WWOX: variants seen among roughly 807,000 people sequenced by gnomAD.
The protein encoded by WWOX is WW domain-containing oxidoreductase.
A neutral mutation model predicts 46.2 loss-of-function variants in WWOX; 69 were observed. That is an observed-to-expected ratio of 1.49 (90% confidence interval 1.23 to 1.82). WWOX has a LOEUF of 1.82. WWOX is among the 40% of genes most tolerant of loss of function. WWOX has a pLI of 0.00. For missense variants in WWOX, 919 were observed against 542.6 expected (o/e 1.69, Z -6.89); for synonymous variants, 359 against 202.6 (o/e 1.77, Z -6.56).
rs199726097 is a variant in WWOX at position 78,547,127 on chromosome 16, G to GAAA, written c.1056+114405_1056+114407dup. On this transcript the variant is annotated intron_variant, in intron 8 of 8. Coordinates refer to ENST00000566780, the MANE Select transcript of WWOX (RefSeq NM_016373.4). The stretch of plus-strand genomic sequence containing the variant: ...TGGGAGAGTGTGAGACCTTGTCTCA[G>GAAA]AAAAAAAAAAAAAAAAAAAAAAAAA... Among the ~76,000 whole-genome samples, 528 of 87,410 alleles carry GAAA rather than the reference G, an allele frequency of 6.0e-3. 14 individuals are homozygous for GAAA. The highest frequency in any genetic ancestry group is 0.019 in the African/African-American group (282 of 14,594). The allele number at this position is 87,410 out of a possible 152,430, so 57.3% of individuals were successfully genotyped here. A position where few individuals can be genotyped will look rare whatever the true frequency, so the allele number is the denominator to read the frequency against.
intron 8 of WWOX, among the ~76,000 whole-genome samples, chr16:79,171,717 T>C (rs1369771605): frequency 6.6e-6 from 1 of 152,220 alleles, no homozygotes; most frequent in East Asian, 1.9e-4. Flanking sequence ...AGATGTTCTT[T>C]CTTCATTCAC....
chr16:79,184,227 C>G (rs546844264), intron 8 of WWOX, among the ~76,000 whole-genome samples: 93 of 152,304 alleles, frequency 6.1e-4, no homozygotes, highest in African/African-American at 2.2e-3. Flanking sequence ...GTGTAACAGT[C>G]TATAGTAACA....
intron 8 of WWOX, chr16:78,981,682 C>A (rs1384091787): frequency 6.6e-6 from 1 of 152,242 alleles, no homozygotes; most frequent in African/African-American, 2.4e-5. Flanking sequence ...CGGCCTTGGC[C>A]TCACAAAGTG....
intron 8 of WWOX, among the ~76,000 whole-genome samples, chr16:78,923,677 C>T (rs1485667197): frequency 5.3e-5 from 8 of 151,384 alleles, no homozygotes; most frequent in African/African-American, 7.3e-5. Context: ...AAAAATTAGT[C>T]GTGTGAACTT....
At chr16:78,438,432 G>GA (rs2151391946) in intron 8 of WWOX, among the ~76,000 whole-genome samples, 1 of 150,958 alleles carries the variant, frequency 6.6e-6, no homozygotes, top group East Asian at 2.0e-4. Context: ...TCACTGAAAT[G>GA]AATGCTGCCA....
intron 5 of WWOX, among the ~76,000 whole-genome samples, chr16:78,378,630 G>A (rs922393793): frequency 2.6e-5 from 4 of 152,158 alleles, no homozygotes; most frequent in African/African-American, 9.7e-5. Flanking sequence ...AGTGTCTCTT[G>A]CTGTTGTAAA....
intron 8 of WWOX, among the ~76,000 whole-genome samples, chr16:78,933,817 C>G (rs1238592420): frequency 3.9e-5 from 6 of 152,136 alleles, no homozygotes; most frequent in Admixed American, 2.0e-4. Context: ...CCAGCTTCCT[C>G]CCACGACATT....
chr16:78,269,914 G>GTTTTTTTTTTTTTTTT (rs71137883), intron 5 of WWOX, among the ~76,000 whole-genome samples: 3 of 125,672 alleles, frequency 2.4e-5, no homozygotes, highest in African/African-American at 6.3e-5. Flanking sequence ...ACATAAGGAA[G>GTTTTTTTTTTTTTTTT]TTTTTTTTTT....
intron 8 of WWOX, among the ~76,000 whole-genome samples, chr16:78,634,489 C>CCT (rs2046516317): frequency 6.6e-6 from 1 of 151,950 alleles, no homozygotes; most frequent in South Asian, 2.1e-4. Flanking sequence ...GGGCAGATCA[C>CCT]AAGGTCAGGA....
At chr16:78,112,266 A>C (rs1323698541) in intron 3 of WWOX, among the ~76,000 whole-genome samples, 3 of 152,164 alleles carry the variant, frequency 2.0e-5, no homozygotes, top group African/African-American at 7.2e-5. Context: ...GATTGAACCA[A>C]AACTTTTTTT....
At chr16:79,185,327 C>T (rs538464846) in intron 8 of WWOX, among the ~76,000 whole-genome samples, 4 of 152,156 alleles carry the variant, frequency 2.6e-5, no homozygotes, top group South Asian at 2.1e-4. Flanking sequence ...ACCCATCCTC[C>T]GCTTTGGTGG....
intron 4 of WWOX, among the ~76,000 whole-genome samples, chr16:78,122,531 T>C (rs766222672): frequency 1.3e-4 from 20 of 152,300 alleles, no homozygotes; most frequent in Non-Finnish European, 1.8e-4. Context: ...CCAATTAAAA[T>C]AATTTGATCT....
chr16:78,873,757 C>G (rs1173161189), intron 8 of WWOX, among the ~76,000 whole-genome samples: 1 of 152,060 alleles, frequency 6.6e-6, no homozygotes, highest in Non-Finnish European at 1.5e-5. Flanking sequence ...CCACTGTACT[C>G]CAGCCTGGGC....
At chr16:78,475,911 A>G (rs1013165261) in intron 8 of WWOX, among the ~76,000 whole-genome samples, 1 of 152,190 alleles carries the variant, frequency 6.6e-6, no homozygotes, top group African/African-American at 2.4e-5. Context: ...ACCTGGACAA[A>G]GAGGTATTAA....
chr16:78,823,195 A>G (rs1402825463), intron 8 of WWOX, among the ~76,000 whole-genome samples: 2 of 152,220 alleles, frequency 1.3e-5, no homozygotes, highest in Non-Finnish European at 2.9e-5. Context: ...AATGGTGGAA[A>G]CGGTCACAGG....
intron 4 of WWOX, among the ~76,000 whole-genome samples, chr16:78,135,769 G>T (rs571172998): frequency 6.6e-6 from 1 of 152,074 alleles, no homozygotes; most frequent in Non-Finnish European, 1.5e-5. Context: ...CAGGGAAAAT[G>T]ACATGTCGAT....
intron 4 of WWOX, among the ~76,000 whole-genome samples, chr16:78,122,476 G>C (rs866286521): frequency 1.2e-4 from 19 of 152,158 alleles, no homozygotes; most frequent in Middle Eastern, 6.8e-3. Flanking sequence ...AGGTTTTGTA[G>C]CATTACGTAA....
intron 8 of WWOX, among the ~76,000 whole-genome samples, chr16:78,511,959 G>C (rs777249774): frequency 2.1e-4 from 32 of 152,224 alleles, no homozygotes; most frequent in Non-Finnish European, 4.1e-4. Flanking sequence ...GAATGGGTAA[G>C]ATAGCATCTC....
chr16:79,141,976 G>T (rs2050098828), intron 8 of WWOX, among the ~76,000 whole-genome samples: 1 of 152,222 alleles, frequency 6.6e-6, no homozygotes, highest in South Asian at 2.1e-4. Context: ...GGGAGGAGAT[G>T]TCTACACGGT....
Sources: gnomAD v4.1 joint callset for allele counts (sites outside exome capture counted in the v4.1 genomes callset) on GRCh38, gnomAD v4.1.1 for gene constraint, MANE v1.5 for transcripts, NCBI Gene and HGNC (gene_info 2026-07-23, HGNC 2026-07-21) for gene names.